The following FNDC3B variants were observed in gnomAD, a reference collection of about 807,000 sequenced individuals.
FNDC3B encodes the protein fibronectin type III domain-containing protein 3B.
In FNDC3B, 12 loss-of-function variants were observed where a neutral mutation model predicts 151.5. The observed-to-expected ratio is 0.08, with a 90% confidence interval of 0.05 to 0.13. The LOEUF is 0.13. FNDC3B is among the 10% of genes least tolerant of loss of function. The pLI, the probability that FNDC3B is intolerant of heterozygous loss-of-function variation, is 1.00. For synonymous variants in FNDC3B, 528 were observed against 549.0 expected (o/e 0.96, Z 0.54); for missense variants, 1,214 against 1,505.3 (o/e 0.81, Z 3.20).
intron 2 of FNDC3B, among the ~76,000 whole-genome samples, chr3:172,117,401 G>A (rs1720315238): frequency 6.6e-6 from 1 of 152,144 alleles, no homozygotes; most frequent in South Asian, 2.1e-4. Flanking sequence ...ACCTGTGTTT[G>A]TTATGGACTT....
chr3:172,331,876 T>G (rs1285351479), intron 13 of FNDC3B, among the ~76,000 whole-genome samples: 1 of 152,206 alleles, frequency 6.6e-6, no homozygotes, highest in Non-Finnish European at 1.5e-5. Flanking sequence ...ATGGAAATAT[T>G]TTATAATTTG....
intron 23 of FNDC3B, among the ~76,000 whole-genome samples, chr3:172,372,749 G>C (rs918830214): frequency 2.6e-5 from 4 of 152,128 alleles, no homozygotes; most frequent in African/African-American, 9.7e-5. Context: ...TCCCCAAAAG[G>C]TGACCTGTGG....
chr3:172,244,071 C>A (rs1281069116), intron 4 of FNDC3B, among the ~76,000 whole-genome samples: 1 of 152,202 alleles, frequency 6.6e-6, no homozygotes, highest in Non-Finnish European at 1.5e-5. Flanking sequence ...CTTACTAGGA[C>A]TTAGTCTAAT....
chr3:172,167,090 T>C (rs981014157), intron 3 of FNDC3B, among the ~76,000 whole-genome samples: 6 of 152,130 alleles, frequency 3.9e-5, no homozygotes, highest in African/African-American at 1.4e-4. Context: ...TTGCGTTGTT[T>C]GTACTCTAGA....
intron 3 of FNDC3B, among the ~76,000 whole-genome samples, chr3:172,226,241 G>T (rs1576815570): frequency 6.7e-6 from 1 of 149,198 alleles, no homozygotes; most frequent in South Asian, 2.1e-4. Flanking sequence ...GGAGGCAGAG[G>T]TTGCAGTGAG....
intron 6 of FNDC3B, among the ~76,000 whole-genome samples, chr3:172,281,780 T>C (rs973444189): frequency 2.0e-5 from 3 of 152,166 alleles, no homozygotes; most frequent in Non-Finnish European, 1.5e-5. Context: ...GTTTTCAGCT[T>C]GAATAAAAGA....
chr3:172,108,181 A>G (rs1306003022), intron 1 of FNDC3B, among the ~76,000 whole-genome samples: 1 of 144,982 alleles, frequency 6.9e-6, no homozygotes, highest in Non-Finnish European at 1.5e-5. Flanking sequence ...AAAAAGAAAA[A>G]AAAAAAGTAG....
chr3:172,171,572 A>G (rs1333697308), intron 3 of FNDC3B, among the ~76,000 whole-genome samples: 1 of 150,066 alleles, frequency 6.7e-6, no homozygotes, highest in East Asian at 1.9e-4. Context: ...TTCTTTTGGC[A>G]TTCCTGAGAG....
chr3:172,341,155 A>T lies in FNDC3B; in HGVS notation c.1895A>T (p.Tyr632Phe). 6.2e-7 allele frequency: 1 copy of T among 1,614,178 alleles called. No individual in the cohort carries two copies. The highest frequency in any genetic ancestry group is 8.5e-7 in the Non-Finnish European group (1 of 1,180,008). ...GCCTACAGTGGGTCGGCTACCGAAT[A>T]CACCTTCACCCACTTGAAACCAGGC... Reference protein sequence around the residue: ...EVAYSGSATEYTFTHLKPGTL... With the variant: ...EVAYSGSATEFTFTHLKPGTL... The change falls in exon 17 of 26, where the codon TAC becomes TTC. Residue 632 changes from tyrosine to phenylalanine, a missense_variant. Physicochemically the swap from Tyr to Phe is conservative, Grantham distance 22. This residue lies in a region of FNDC3B where 380 missense variants were observed against 420.9 expected (regional missense o/e 0.90). Transcript: ENST00000415807.
intron 1 of FNDC3B, among the ~76,000 whole-genome samples, chr3:172,086,529 T>C (rs960750125): frequency 1.3e-5 from 2 of 152,224 alleles, no homozygotes; most frequent in Non-Finnish European, 2.9e-5. Flanking sequence ...TTTAGACTCA[T>C]GAATTGCCTA....
At chr3:172,291,473 A>G (rs1688402024) in intron 7 of FNDC3B, among the ~76,000 whole-genome samples, 1 of 152,166 alleles carries the variant, frequency 6.6e-6, no homozygotes, top group Admixed American at 6.5e-5. Flanking sequence ...AATGATTTAT[A>G]ATTAGTATGT....
At chr3:172,144,761 C>T (rs1026618185) in intron 3 of FNDC3B, among the ~76,000 whole-genome samples, 7 of 151,614 alleles carry the variant, frequency 4.6e-5, no homozygotes, top group Admixed American at 2.6e-4. Flanking sequence ...TGGGTATTTC[C>T]TCTCTGAAGA....
chr3:172,085,433 C>G (rs1479849462), intron 1 of FNDC3B, among the ~76,000 whole-genome samples: 1 of 152,194 alleles, frequency 6.6e-6, no homozygotes, highest in African/African-American at 2.4e-5. Context: ...AGGGCATTTG[C>G]TCTCTAGTTT....
intron 1 of FNDC3B, among the ~76,000 whole-genome samples, chr3:172,053,360 A>G (rs575523448): frequency 6.6e-6 from 1 of 152,306 alleles, no homozygotes; most frequent in Non-Finnish European, 1.5e-5. Context: ...AGTTCAAGTT[A>G]ATTATCTTAT....
intron 1 of FNDC3B, among the ~76,000 whole-genome samples, chr3:172,077,448 T>C (rs1718068876): frequency 6.6e-6 from 1 of 152,192 alleles, no homozygotes; most frequent in Non-Finnish European, 1.5e-5. Context: ...GTGAAAATCA[T>C]TATGGAGTGG....
intron 3 of FNDC3B, among the ~76,000 whole-genome samples, chr3:172,138,350 G>T (rs1325695042): frequency 1.3e-5 from 2 of 152,134 alleles, no homozygotes; most frequent in Admixed American, 1.3e-4. Context: ...TTCCTGAGTG[G>T]CTCTGGTATT....
chr3:172,077,016 C>G (rs548783398), intron 1 of FNDC3B, among the ~76,000 whole-genome samples: 1 of 152,080 alleles, frequency 6.6e-6, no homozygotes, highest in African/African-American at 2.4e-5. Context: ...AAAACAAAAT[C>G]TGCATAATGA....
intron 6 of FNDC3B, 94 bp downstream of exon 6, chr3:172,251,635 TG>T: frequency 8.0e-7 from 1 of 1,242,566 alleles, no homozygotes; most frequent in Non-Finnish European, 1.1e-6. Flanking sequence ...TATTATTTCA[TG>T]GTGGTTGGTT....
At chr3:172,075,919 G>A (rs1049302898) in intron 1 of FNDC3B, among the ~76,000 whole-genome samples, 6 of 152,056 alleles carry the variant, frequency 3.9e-5, no homozygotes, top group Non-Finnish European at 2.9e-5. Context: ...GTCCTGACCT[G>A]GAGTTCAAAA....
Sources: allele counts gnomAD v4.1 joint callset (sites outside exome capture counted in the v4.1 genomes callset), GRCh38; gene constraint gnomAD v4.1.1; regional missense constraint gnomAD v4.1.1; transcripts MANE v1.5; gene names NCBI Gene and HGNC (gene_info 2026-07-23, HGNC 2026-07-21).